ADAMTSL3: variants seen among roughly 807,000 people sequenced by gnomAD.
ADAMTSL3 encodes the protein ADAMTS-like protein 3.
Under a neutral mutation model 201.7 loss-of-function variants are expected in ADAMTSL3, and 128 were observed. That is an observed-to-expected ratio of 0.63 (90% CI 0.55 to 0.73). The LOEUF is 0.73. ADAMTSL3 is among the 30% of genes least tolerant of loss of function. The pLI is 0.00. For missense variants in ADAMTSL3, 1,990 were observed against 2,119.6 expected (o/e 0.94, Z 1.20); for synonymous variants, 738 against 748.4 (o/e 0.99, Z 0.23).
intron 16 of ADAMTSL3, among the ~76,000 whole-genome samples, chr15:83,921,190 A>G (rs148652196): frequency 2.6e-5 from 4 of 152,250 alleles, no homozygotes; most frequent in South Asian, 2.1e-4. Flanking sequence ...GGGGAGTTCA[A>G]TTGTTTATTA....
intron 7 of ADAMTSL3, among the ~76,000 whole-genome samples, chr15:83,841,743 G>C (rs2064378570): frequency 6.6e-6 from 1 of 151,866 alleles, no homozygotes. Context: ...TGAGGACAGG[G>C]ACTCTGAAAA....
intron 3 of ADAMTSL3, among the ~76,000 whole-genome samples, chr15:83,767,517 C>T (rs2062912808): frequency 6.6e-6 from 1 of 152,210 alleles, no homozygotes; most frequent in African/African-American, 2.4e-5. Flanking sequence ...CTGACAAACA[C>T]AGACATTCAC....
chr15:83,839,993 G>A (rs2064344247), intron 7 of ADAMTSL3, among the ~76,000 whole-genome samples: 1 of 152,128 alleles, frequency 6.6e-6, no homozygotes, highest in Non-Finnish European at 1.5e-5. Context: ...TCTGAAACAT[G>A]CTAGGTTATC....
intron 8 of ADAMTSL3, among the ~76,000 whole-genome samples, chr15:83,869,027 C>T (rs1222512024): frequency 6.6e-6 from 1 of 152,162 alleles, no homozygotes; most frequent in African/African-American, 2.4e-5. Flanking sequence ...AGAAGGTTAG[C>T]ACAATGGTAA....
At chr15:83,717,954 G>T (rs982676268) in intron 3 of ADAMTSL3, among the ~76,000 whole-genome samples, 15 of 152,144 alleles carry the variant, frequency 9.9e-5, no homozygotes, top group African/African-American at 3.6e-4. Context: ...GTGATCATTT[G>T]GTTTTTTATT....
At chr15:83,927,726 C>CAACATA (rs2066275331) in intron 17 of ADAMTSL3, among the ~76,000 whole-genome samples, 2 of 152,098 alleles carry the variant, frequency 1.3e-5, no homozygotes, top group Non-Finnish European at 2.9e-5. Context: ...ACATAAAGCC[C>CAACATA]AAACATGGAG....
chr15:83,861,924 A>G (rs1046458992), intron 8 of ADAMTSL3: 4 of 152,256 alleles, frequency 2.6e-5, no homozygotes, highest in African/African-American at 4.8e-5. Flanking sequence ...AGAAGTCCTT[A>G]AAGAACCTGA....
intron 3 of ADAMTSL3, among the ~76,000 whole-genome samples, chr15:83,731,869 C>T (rs113408685): frequency 0.03 from 4,588 of 151,884 alleles, 87 homozygotes; most frequent in Non-Finnish European, 0.043. Context: ...CTCACTTATA[C>T]GTGAAATCTA....
At chr15:83,758,328 A>C (rs2062753211) in intron 3 of ADAMTSL3, among the ~76,000 whole-genome samples, 1 of 152,200 alleles carries the variant, frequency 6.6e-6, no homozygotes, top group South Asian at 2.1e-4. Flanking sequence ...GTGGCAGGCA[A>C]AGAGAGAATG....
At chr15:83,724,372 A>G (rs1045647625) in intron 3 of ADAMTSL3, among the ~76,000 whole-genome samples, 4 of 152,032 alleles carry the variant, frequency 2.6e-5, no homozygotes, top group African/African-American at 4.8e-5. Flanking sequence ...TGCTGGGGTT[A>G]CAGGTGTGAG....
intron 11 of ADAMTSL3, 108 bp downstream of exon 11, chr15:83,890,355 C>A (rs1413051278): frequency 7.1e-7 from 1 of 1,409,596 alleles, no homozygotes; most frequent in East Asian, 2.4e-5. Flanking sequence ...CTGGCTTTGT[C>A]TACTGGCGGC....
rs115559457 is a variant in ADAMTSL3 at position 84,019,356 on chromosome 15, A to G, written c.4274-2054A>G. Among the ~76,000 whole-genome samples the G allele has an allele frequency of 6.8e-3, 1,036 of 152,246 alleles. 16 individuals are homozygous for G. Among genetic ancestry groups the G allele is most frequent in the African/African-American group, 0.024 (984 of 41,544 alleles). On this transcript the variant is annotated intron_variant, in intron 25 of 29. Transcript: ENST00000286744. ...GATTTAGCAGCTCCTAAAAAAGTTA[A>G]GCGCACACCTACCCTCGACCTAGCA...
intron 3 of ADAMTSL3, among the ~76,000 whole-genome samples, chr15:83,754,783 G>T (rs1434471107): frequency 6.6e-6 from 1 of 152,078 alleles, no homozygotes; most frequent in Non-Finnish European, 1.5e-5. Context: ...AAAACTGAAG[G>T]ATTTGCTAAA....
At chr15:83,853,614 T>C (rs1170562071) in intron 7 of ADAMTSL3, among the ~76,000 whole-genome samples, 3 of 152,176 alleles carry the variant, frequency 2.0e-5, no homozygotes, top group African/African-American at 7.2e-5. Flanking sequence ...ATTAGTAGGT[T>C]TCCTAAATTT....
chr15:83,866,164 C>G (rs1278977808), intron 8 of ADAMTSL3, among the ~76,000 whole-genome samples: 1 of 152,228 alleles, frequency 6.6e-6, no homozygotes, highest in Non-Finnish European at 1.5e-5. Context: ...GTTGGTGGAA[C>G]TGTAAACTAG....
intron 6 of ADAMTSL3, among the ~76,000 whole-genome samples, chr15:83,836,003 C>T (rs1056207827): frequency 6.6e-6 from 1 of 152,134 alleles, no homozygotes; most frequent in African/African-American, 2.4e-5. Flanking sequence ...AAGGTATCAC[C>T]TCATGACAAA....
rs114515432 is a variant in ADAMTSL3, at chr15:83,687,184, G to A, written c.70-17205G>A. On this transcript the variant is annotated intron_variant, in intron 2 of 29. Coordinates refer to ENST00000286744, the MANE Select transcript of ADAMTSL3 (RefSeq NM_207517.3). Reference sequence around the variant, plus strand: ...GTACCACTGCACTTCAGCCTGGGCCGCAGAGTGAAACTCTATCTCTAAAAT... The same window carrying A: ...GTACCACTGCACTTCAGCCTGGGCCACAGAGTGAAACTCTATCTCTAAAAT... Among the ~76,000 whole-genome samples, 682 of 152,214 alleles carry A rather than the reference G, an allele frequency of 4.5e-3. 5 individuals are homozygous for A. Among genetic ancestry groups the A allele is most frequent in the African/African-American group, 0.013 (557 of 41,514 alleles).
intron 10 of ADAMTSL3, among the ~76,000 whole-genome samples, chr15:83,887,600 A>G (rs1476661324): frequency 6.6e-6 from 1 of 152,202 alleles, no homozygotes; most frequent in African/African-American, 2.4e-5. Context: ...CAGAAAAACA[A>G]ACATTTCTCT....
chr15:83,787,173 C>T (rs375154111), intron 4 of ADAMTSL3, among the ~76,000 whole-genome samples: 63 of 152,236 alleles, frequency 4.1e-4, no homozygotes, highest in East Asian at 2.5e-3. Flanking sequence ...AGGACAGGGG[C>T]GACTCTTCTA....
Sources: gnomAD v4.1 joint callset for allele counts (sites outside exome capture counted in the v4.1 genomes callset) on GRCh38, gnomAD v4.1.1 for gene constraint, MANE v1.5 for transcripts, NCBI Gene and HGNC (gene_info 2026-07-23, HGNC 2026-07-21) for gene names.